ADAMTSL1: variants seen among roughly 807,000 people sequenced by gnomAD.
ADAMTSL1 encodes the protein ADAMTS like 1, also known as ADAMTS-like protein 1.
In ADAMTSL1, 126 loss-of-function variants were observed where a neutral mutation model predicts 201.8. The ratio of observed to expected loss-of-function variants is 0.62; its 90% CI spans 0.54 to 0.72. The LOEUF (loss-of-function observed/expected upper bound fraction) is 0.72, where lower values mean the gene tolerates loss of function less well. Ranked by LOEUF, ADAMTSL1 falls within the 30% of genes least tolerant of loss-of-function variation. The pLI is 0.00. For missense variants in ADAMTSL1, 2,679 were observed against 2,277.8 expected, an observed-to-expected ratio of 1.18 and a Z score of -3.59; for synonymous variants, 1,121 against 903.4, an observed-to-expected ratio of 1.24 and a Z score of -4.32.
At chr9:18,210,592 T>G (rs1165406085) in intron 2 of ADAMTSL1, among the ~76,000 whole-genome samples, 1 of 150,594 alleles carries the variant, frequency 6.6e-6, no homozygotes, top group African/African-American at 2.4e-5. Flanking sequence ...ATTATTAATA[T>G]TCCTATGACA....
intron 1 of ADAMTSL1, among the ~76,000 whole-genome samples, chr9:17,918,877 G>A (rs191186625): frequency 8.5e-4 from 129 of 151,922 alleles, no homozygotes; most frequent in Middle Eastern, 3.4e-3. Context: ...AAATGTTTAG[G>A]ATTGTTATGT....
chr9:18,014,594 A>G (rs2131565063), intron 1 of ADAMTSL1, among the ~76,000 whole-genome samples: 1 of 152,226 alleles, frequency 6.6e-6, no homozygotes, highest in South Asian at 2.1e-4. Context: ...AAGACTCAAA[A>G]GACTGCAGGC....
At chr9:18,513,269 T>TCA (rs150064070) in intron 2 of ADAMTSL1, among the ~76,000 whole-genome samples, 3,910 of 152,284 alleles carry the variant, frequency 0.026, 92 homozygotes, top group African/African-American at 0.065. Context: ...CCATCTTGCA[T>TCA]CACTGAAACT....
intron 14 of ADAMTSL1, among the ~76,000 whole-genome samples, chr9:18,716,728 C>T (rs982003543): frequency 6.7e-6 from 1 of 148,470 alleles, no homozygotes; most frequent in Admixed American, 6.8e-5. Context: ...TCCAGCCATC[C>T]CATTACTGGG....
At chr9:17,968,563 T>G (rs936393650) in intron 1 of ADAMTSL1, among the ~76,000 whole-genome samples, 3 of 152,096 alleles carry the variant, frequency 2.0e-5, no homozygotes, top group Admixed American at 6.6e-5. Context: ...CTGTGTTTGA[T>G]TCTTAGGTTG....
At chr9:18,259,377 T>TAGCC (rs1228471881) in intron 2 of ADAMTSL1, among the ~76,000 whole-genome samples, 1 of 151,772 alleles carries the variant, frequency 6.6e-6, no homozygotes, top group African/African-American at 2.4e-5. Context: ...TACAAAAAAT[T>TAGCC]AGCCAGGCAT....
chr9:18,771,906 G>T (rs1280924557), intron 17 of ADAMTSL1, among the ~76,000 whole-genome samples: 1 of 152,064 alleles, frequency 6.6e-6, no homozygotes, highest in Non-Finnish European at 1.5e-5. Context: ...ATGAGATGGT[G>T]CCTGCTAAGT....
intron 16 of ADAMTSL1, among the ~76,000 whole-genome samples, chr9:18,755,151 G>C (rs1043959020): frequency 2.6e-5 from 4 of 152,184 alleles, no homozygotes; most frequent in Non-Finnish European, 4.4e-5. Context: ...CTGTGGCCTA[G>C]ATGTAGGCTT....
In ADAMTSL1 at chr9:18,588,884, C is replaced by CATATATATATATATATATACATATACAT. The variant is rs1554710720; in HGVS notation, c.474+14643_474+14644insCATATATATATATATATATATACATATA. Among the ~76,000 whole-genome samples the CATATATATATATATATATACATATACAT allele has an allele frequency of 7.0e-4, 86 of 122,852 alleles. 2 individuals are homozygous for CATATATATATATATATATACATATACAT. The highest frequency in any genetic ancestry group is 4.6e-3 in the Middle Eastern group (1 of 216). 80.6% of individuals were successfully genotyped at this position (122,852 alleles called of 152,430 possible). A position where few individuals can be genotyped will look rare whatever the true frequency, so the allele number is the denominator to read the frequency against. On this transcript the variant is annotated intron_variant, in intron 4 of 28. Coordinates refer to ENST00000380548, the MANE Select transcript of ADAMTSL1 (RefSeq NM_001040272.6). Reference sequence around the variant, plus strand: ...GCTTTGTGCCATATATATACATATACATATATATATATATATATACATATA... The same window carrying CATATATATATATATATATACATATACAT: ...GCTTTGTGCCATATATATACATATACATATATATATATATATATACATATACATATATATATATATATATATACATATA...
intron 6 of ADAMTSL1, among the ~76,000 whole-genome samples, chr9:18,636,593 T>C (rs972738207): frequency 6.6e-6 from 1 of 152,160 alleles, no homozygotes; most frequent in African/African-American, 2.4e-5. Flanking sequence ...ATGGTAATCA[T>C]AACCCCAAAG....
intron 1 of ADAMTSL1, among the ~76,000 whole-genome samples, chr9:18,480,889 G>A: frequency 6.6e-6 from 1 of 152,144 alleles, no homozygotes; most frequent in South Asian, 2.1e-4. Context: ...GGGAGTGGTA[G>A]AAAATGAGGA....
At chr9:18,295,676 C>T (rs796511064) in intron 2 of ADAMTSL1, among the ~76,000 whole-genome samples, 4 of 152,258 alleles carry the variant, frequency 2.6e-5, no homozygotes, top group African/African-American at 9.6e-5. Context: ...TCTTCATTCC[C>T]TTGGAAAATT....
chr9:18,044,702 A>C (rs938630476), intron 1 of ADAMTSL1, among the ~76,000 whole-genome samples: 4 of 152,142 alleles, frequency 2.6e-5, no homozygotes, highest in Non-Finnish European at 5.9e-5. Flanking sequence ...AAAATTATAG[A>C]ACCAGAGACT....
chr9:18,174,792 C>T (rs1828064292), intron 2 of ADAMTSL1, among the ~76,000 whole-genome samples: 1 of 151,814 alleles, frequency 6.6e-6, no homozygotes, highest in African/African-American at 2.4e-5. Context: ...TCCTGTTTTC[C>T]CTGGTTGTTA....
At chr9:17,940,728 G>GAAAAAAAAAAAAAAAAAAA (rs201856497) in intron 1 of ADAMTSL1, among the ~76,000 whole-genome samples, 1 of 79,456 alleles carries the variant, frequency 1.3e-5, no homozygotes, top group Non-Finnish European at 2.4e-5. Context: ...AAAAAAAAAA[G>GAAAAAAAAAAAAAAAAAAA]AAAAAAAAGA....
At chr9:18,212,533 G>A (rs1379893940) in intron 2 of ADAMTSL1, among the ~76,000 whole-genome samples, 1 of 152,160 alleles carries the variant, frequency 6.6e-6, no homozygotes, top group Non-Finnish European at 1.5e-5. Context: ...GGAGAAGACT[G>A]GATTGGCCAG....
intron 16 of ADAMTSL1, among the ~76,000 whole-genome samples, chr9:18,760,292 C>A (rs959704879): frequency 1.3e-5 from 2 of 152,168 alleles, no homozygotes; most frequent in Non-Finnish European, 2.9e-5. Flanking sequence ...CCTCTCCTTA[C>A]AATCAACTCA....
At chr9:18,271,134 G>A (rs983052179) in intron 2 of ADAMTSL1, among the ~76,000 whole-genome samples, 6 of 152,004 alleles carry the variant, frequency 3.9e-5, no homozygotes, top group South Asian at 2.1e-4. Context: ...AACAAATAGA[G>A]GAGATAATAA....
rs574278803 is a variant in ADAMTSL1 at position 18,234,127 on chromosome 9, G to T, written c.207+70146G>T. Among the ~76,000 whole-genome samples the T allele has an allele frequency of 1.4e-3, 213 of 152,210 alleles. 1 individual carries two copies. Among genetic ancestry groups the T allele is most frequent in the Admixed American group, 3.4e-3 (52 of 15,290 alleles). On this transcript the variant is annotated intron_variant, in intron 2 of 29. Transcript: ENST00000680146. ...GGCTTGCTAAAGGTTTGGATGTGGGGGGTGAGAGTGAGAAAAACGAGGGAC... is the reference window on the plus strand; with the variant it reads ...GGCTTGCTAAAGGTTTGGATGTGGGTGGTGAGAGTGAGAAAAACGAGGGAC...
Sources: gnomAD v4.1 joint callset for allele counts (sites outside exome capture counted in the v4.1 genomes callset) on GRCh38, gnomAD v4.1.1 for gene constraint, MANE v1.5 for transcripts, NCBI Gene and HGNC (gene_info 2026-07-23, HGNC 2026-07-21) for gene names.